Variants in NTN1 observed in about 807,000 individuals in gnomAD.
NTN1 encodes the protein netrin-1.
A neutral mutation model predicts 54.2 loss-of-function variants in NTN1; 11 were observed. That is an observed-to-expected ratio of 0.20 (90% CI 0.13 to 0.34). The LOEUF is 0.34. NTN1 is among the 10% of genes least tolerant of loss of function. The pLI is 1.00. For synonymous variants in NTN1, 371 were observed against 382.0 expected, an observed-to-expected ratio of 0.97 and a Z score of 0.33; for missense variants, 740 against 893.1, an observed-to-expected ratio of 0.83 and a Z score of 2.18.
At chr17:9,086,964 G>A (rs1429848519) in intron 2 of NTN1, among the ~76,000 whole-genome samples, 1 of 152,154 alleles carries the variant, frequency 6.6e-6, no homozygotes, top group East Asian at 1.9e-4. Context: ...CAGCTAGCAT[G>A]CTTGACCACC....
rs555140747 is a variant in NTN1 at position 9,221,862 on chromosome 17, T to C, written c.1486+620T>C. Among the ~76,000 whole-genome samples the C allele has an allele frequency of 2.9e-4, 44 of 152,024 alleles. No individual in the cohort carries two copies. Among genetic ancestry groups the C allele is most frequent in the African/African-American group, 9.2e-4 (38 of 41,510 alleles). On this transcript the variant is annotated intron_variant, in intron 6 of 6. Transcript: ENST00000173229. This position sits in a 1 kb window ranked among gnomAD's most constrained non-coding sequence, Gnocchi z 4.5. ...GGTGTGTCCTGTCCCCTTGCTCTCATGGTGGTCGTGGAGAGTGGAGATGGT... is the reference window on the plus strand; with the variant it reads ...GGTGTGTCCTGTCCCCTTGCTCTCACGGTGGTCGTGGAGAGTGGAGATGGT...
intron 5 of NTN1, among the ~76,000 whole-genome samples, chr17:9,191,424 C>T (rs1904454131): frequency 6.6e-6 from 1 of 152,220 alleles, no homozygotes; most frequent in Non-Finnish European, 1.5e-5. Context: ...GGTGCCATTG[C>T]ACTGCAGCCT....
At chr17:9,190,487 T>C (rs1041311392) in intron 5 of NTN1, among the ~76,000 whole-genome samples, 1 of 152,220 alleles carries the variant, frequency 6.6e-6, no homozygotes, top group Non-Finnish European at 1.5e-5. Flanking sequence ...TTTAAAGATA[T>C]TGTAAACAGG....
At chr17:9,080,320 G>A (rs1213521719) in intron 2 of NTN1, among the ~76,000 whole-genome samples, 1 of 152,138 alleles carries the variant, frequency 6.6e-6, no homozygotes, top group East Asian at 1.9e-4. Flanking sequence ...CTCCTTGACT[G>A]GTCCTCCTTG....
rs2091859828 is a variant in NTN1, at chr17:9,023,341, A to G, written c.968A>G (p.Tyr323Cys). The change falls in exon 2 of 7, where the codon TAC (tyrosine) becomes TGC (cysteine). Residue 323 changes from tyrosine to cysteine, a missense_variant. Coordinates refer to ENST00000173229, the MANE Select transcript of NTN1 (RefSeq NM_004822.3). ...TGCGACCGCTGCAAGCCCTTCCACT[A>G]CGACCGGCCCTGGCAGCGCGCCACA... ...PECDRCKPFH[Y>C]DRPWQRATAR... 8 of 1,513,294 alleles carry G rather than the reference A, an allele frequency of 5.3e-6. No homozygotes were observed. The highest frequency in any genetic ancestry group is 6.2e-6 in the Non-Finnish European group (7 of 1,130,000). 93.7% of individuals were successfully genotyped at this position (1,513,294 alleles called of 1,614,324 possible). A position where few individuals can be genotyped will look rare whatever the true frequency, so the allele number is the denominator to read the frequency against.
At chr17:9,077,633 T>G (rs1217660123) in intron 2 of NTN1, among the ~76,000 whole-genome samples, 1 of 152,140 alleles carries the variant, frequency 6.6e-6, no homozygotes, top group African/African-American at 2.4e-5. Flanking sequence ...TACACTTCTG[T>G]TAGAAACAAA....
At chr17:9,079,969 G>A (rs1022313860) in intron 2 of NTN1, among the ~76,000 whole-genome samples, 1 of 151,246 alleles carries the variant, frequency 6.6e-6, no homozygotes, top group Non-Finnish European at 1.5e-5. Flanking sequence ...TCCCCAGCAG[G>A]CCTGTTTCCT....
chr17:9,179,994 T>G, intron 4 of NTN1, 38 bp downstream of exon 4: 1 of 1,593,378 alleles, frequency 6.3e-7, no homozygotes, highest in East Asian at 2.2e-5. Context: ...GTCTCTGGCT[T>G]TGTGGGGGAC....
At chr17:9,155,251 A>G (rs1032833453) in intron 2 of NTN1, among the ~76,000 whole-genome samples, 3 of 152,152 alleles carry the variant, frequency 2.0e-5, no homozygotes, top group Non-Finnish European at 4.4e-5. Context: ...TGCCGCTGTC[A>G]CACCAGCACC....
chr17:9,063,072 A>G (rs982869963), intron 2 of NTN1, among the ~76,000 whole-genome samples: 4 of 150,138 alleles, frequency 2.7e-5, no homozygotes, highest in African/African-American at 9.8e-5. Context: ...TATTTATCCT[A>G]TAGTCTTTTA....
At chr17:9,060,922 G>A (rs570124831) in intron 2 of NTN1, among the ~76,000 whole-genome samples, 38 of 139,576 alleles carry the variant, frequency 2.7e-4, no homozygotes, top group Admixed American at 1.1e-3. Context: ...GTTGCAGTGA[G>A]CCGAGATTGT....
chr17:9,187,836 A>G (rs1319863351), intron 5 of NTN1, among the ~76,000 whole-genome samples: 1 of 152,094 alleles, frequency 6.6e-6, no homozygotes, highest in Admixed American at 6.6e-5. Flanking sequence ...ATCTCAAAAA[A>G]AAAAAGAAAT....
intron 3 of NTN1, among the ~76,000 whole-genome samples, chr17:9,178,337 T>C (rs891388829): frequency 6.6e-6 from 1 of 152,166 alleles, no homozygotes; most frequent in Non-Finnish European, 1.5e-5. Flanking sequence ...TCCTCCCACC[T>C]GATGGGGGCA....
chr17:9,157,672 G>A (rs1190275174), intron 2 of NTN1, among the ~76,000 whole-genome samples: 1 of 152,214 alleles, frequency 6.6e-6, no homozygotes, highest in Non-Finnish European at 1.5e-5. Context: ...AGCCAAAGAG[G>A]GGCACAAAGC....
intron 2 of NTN1, among the ~76,000 whole-genome samples, chr17:9,029,007 C>T (rs9895503): frequency 0.06 from 9,113 of 151,704 alleles, 436 homozygotes; most frequent in African/African-American, 0.13. Context: ...TATAGGGAGA[C>T]GGGAGGTCTC....
chr17:9,017,197 A>G (rs1355404123), upstream of NTN1, among the ~76,000 whole-genome samples: 1 of 151,880 alleles, frequency 6.6e-6, no homozygotes, highest in Non-Finnish European at 1.5e-5. Flanking sequence ...CCTTCCCTCA[A>G]TCCTATGTCA....
At chr17:9,152,245 A>T (rs146559992) in intron 2 of NTN1, among the ~76,000 whole-genome samples, 74 of 152,294 alleles carry the variant, frequency 4.9e-4, no homozygotes, top group African/African-American at 1.7e-3. Context: ...CACTGGCAGG[A>T]ACCAACTCTG....
At chr17:9,233,071 T>A (rs559402950) in intron 6 of NTN1, among the ~76,000 whole-genome samples, 105 of 151,864 alleles carry the variant, frequency 6.9e-4, no homozygotes, top group African/African-American at 2.4e-3. Context: ...TATGGCTGTG[T>A]AGGGGAGGGG....
In NTN1 at chr17:9,122,971, G is replaced by A. The variant is rs143529028; in HGVS notation, c.1019-39842G>A. On this transcript the variant is annotated intron_variant, in intron 2 of 6. Transcript: ENST00000173229. ...ATTTGGACATTTTGCTGTTTTTCAG[G>A]TTTTTTCCACTCTAAGCTTTGTTGG... Among the ~76,000 whole-genome samples, 670 of 152,178 alleles carry A rather than the reference G, an allele frequency of 4.4e-3. 3 individuals carry two copies. Among genetic ancestry groups the A allele is most frequent in the African/African-American group, 0.015 (622 of 41,504 alleles).
Sources: allele counts gnomAD v4.1 joint callset (sites outside exome capture counted in the v4.1 genomes callset), GRCh38; gene constraint gnomAD v4.1.1; non-coding constraint Gnocchi (gnomAD v3.1); transcripts MANE v1.5; gene names NCBI Gene and HGNC (gene_info 2026-07-23, HGNC 2026-07-21).